Variants in ATAD3B observed in about 807,000 individuals in gnomAD.
ATAD3B encodes ATPase family AAA domain containing 3B.
ATAD3B carries 59 observed loss-of-function variants against 70.2 expected under a neutral mutation model. That is an observed-to-expected ratio of 0.84 (90% confidence interval 0.68 to 1.04). The LOEUF (loss-of-function observed/expected upper bound fraction) is 1.04, where lower values mean the gene tolerates loss of function less well. ATAD3B is among the 50% of genes least tolerant of loss of function. ATAD3B has a pLI of 0.00. For missense variants in ATAD3B, 961 were observed against 913.4 expected (o/e 1.05, Z -0.67); for synonymous variants, 423 against 388.6 (o/e 1.09, Z -1.04).
At chr1:1,483,171 CAT>C (rs917468442) in intron 7 of ATAD3B, 2 of 385,132 alleles carry the variant, frequency 5.2e-6, no homozygotes, top group Non-Finnish European at 1.0e-5. Context: ...GGTGTGGTGA[CAT>C]GTGCCTGTAA....
chr1:1,494,955 C>T (rs192038242), intron 15 of ATAD3B, among the ~76,000 whole-genome samples: 1 of 152,172 alleles, frequency 6.6e-6, no homozygotes, highest in African/African-American at 2.4e-5. Context: ...AAGGCGACAC[C>T]AAGGGCCACA....
At chr1:1,502,506 C>CCTTT (rs1379870850), downstream of ATAD3B, among the ~76,000 whole-genome samples, 33 of 113,702 alleles carry the variant, frequency 2.9e-4, 4 homozygotes, top group African/African-American at 8.5e-4. Flanking sequence ...CCGTGCCCAG[C>CCTTT]ATTTTTTTTT....
chr1:1,495,388 C>T, intron 15 of ATAD3B, 97 bp from the exon 16 acceptor site: 1 of 1,462,496 alleles, frequency 6.8e-7, no homozygotes, highest in Admixed American at 2.3e-5. Context: ...TGTCCTGGTG[C>T]CCCTGGTTTG....
chr1:1,484,042 G>C (rs1464706193), intron 7 of ATAD3B: 1 of 152,154 alleles, frequency 6.6e-6, no homozygotes, highest in Non-Finnish European at 1.5e-5. Flanking sequence ...GACCTGGGGC[G>C]CCACCACAGC....
chr1:1,504,511 G>A, the ATAD3B span, among the ~76,000 whole-genome samples: 28 of 151,902 alleles, frequency 1.8e-4, no homozygotes, highest in South Asian at 2.1e-4. Flanking sequence ...TTAGCCGGGC[G>A]TGGTGGCGGG....
At chr1:1,491,338 C>G (rs926753358) in intron 15 of ATAD3B, among the ~76,000 whole-genome samples, 3 of 151,948 alleles carry the variant, frequency 2.0e-5, no homozygotes, top group Admixed American at 1.3e-4. Context: ...TGAGACCATC[C>G]TGGCCAATAT....
intron 4 of ATAD3B, among the ~76,000 whole-genome samples, chr1:1,480,004 T>C (rs1639821673): frequency 8.3e-6 from 1 of 121,054 alleles, no homozygotes; most frequent in Non-Finnish European, 1.7e-5. Flanking sequence ...GCACACCCCC[T>C]CACACATAGG....
chr1:1,501,260 AT>A (rs528600925), downstream of ATAD3B, among the ~76,000 whole-genome samples: 77 of 131,206 alleles, frequency 5.9e-4, no homozygotes, highest in Non-Finnish European at 6.2e-4. Context: ...TAATTTTTGT[AT>A]TTTTTTTTTT....
At position 1,475,737 on chromosome 1, in the gene ATAD3B, G is replaced by A. The variant is rs539882859; in HGVS notation, c.206-1537G>A. Among the ~76,000 whole-genome samples the A allele has an allele frequency of 3.1e-3, 471 of 151,948 alleles. 3 individuals carry two copies. The highest frequency in any genetic ancestry group is 0.011 in the African/African-American group (445 of 41,442). On this transcript the variant is annotated intron_variant, in intron 1 of 15. Transcript: ENST00000673477. ...TGTGAATTCACGCGCTGGGACGCAC[G>A]TCCCTGGCACAGGGTCACACCAAAG...
chr1:1,487,271 G>A (rs1308850145), intron 11 of ATAD3B, among the ~76,000 whole-genome samples: 1 of 151,834 alleles, frequency 6.6e-6, no homozygotes, highest in Non-Finnish European at 1.5e-5. Flanking sequence ...AGGCAGATAC[G>A]AGGCCAGGAG....
intron 4 of ATAD3B, among the ~76,000 whole-genome samples, chr1:1,480,597 G>C (rs1472328386): frequency 6.8e-6 from 1 of 147,592 alleles, no homozygotes; most frequent in South Asian, 2.2e-4. Context: ...AGTGGTGTTG[G>C]GAGGTCGGCC....
chr1:1,506,576 A>C, the ATAD3B span, among the ~76,000 whole-genome samples: 1 of 151,624 alleles, frequency 6.6e-6, no homozygotes, highest in Non-Finnish European at 1.5e-5. Flanking sequence ...TCATTGTACA[A>C]GTCTTTCACC....
chr1:1,474,968 AGATTGAAACTTCTCCC>A (rs1639517994), intron 1 of ATAD3B, among the ~76,000 whole-genome samples: 1 of 149,080 alleles, frequency 6.7e-6, no homozygotes, highest in Non-Finnish European at 1.5e-5. Flanking sequence ...CTTCACTTAG[AGATTGAAACTTCTCCC>A]ACTTCCAGAA....
At chr1:1,489,483 C>G in intron 13 of ATAD3B, 1 of 1,057,508 alleles carries the variant, frequency 9.5e-7, no homozygotes, top group Admixed American at 2.7e-5. Flanking sequence ...GAGCTGGGGT[C>G]AGTCCTGTCT....
At chr1:1,498,340 G>A (rs546803066), downstream of ATAD3B, among the ~76,000 whole-genome samples, 11 of 151,990 alleles carry the variant, frequency 7.2e-5, no homozygotes, top group South Asian at 2.3e-3. Flanking sequence ...CTGGTGGCAT[G>A]TGCCTGTGGT....
rs375527319 is a variant in ATAD3B at position 1,487,824 on chromosome 1, C to T, written c.1215-39C>T. On this transcript the variant is annotated intron_variant, in intron 11 of 15. Transcript: ENST00000673477. ...GGACGCTGCTGTGGGCTGCTCCTGGCGTCACTCTCGCCTTGCTTGGCCTCT... is the reference window on the plus strand; with the variant it reads ...GGACGCTGCTGTGGGCTGCTCCTGGTGTCACTCTCGCCTTGCTTGGCCTCT... The T allele has an allele frequency of 9.0e-5, 145 of 1,609,176 alleles. No individual in the cohort carries two copies. In the African/African-American group the frequency reaches 1.5e-3, roughly 16 times the overall value.
At chr1:1,482,975 T>G in intron 7 of ATAD3B, 1 of 474,044 alleles carries the variant, frequency 2.1e-6, no homozygotes, top group Non-Finnish European at 4.2e-6. Flanking sequence ...CACTCCATTC[T>G]TGGCGAGAGA....
At chr1:1,490,173 C>T in intron 13 of ATAD3B, 84 bp from the exon 14 acceptor site, 1 of 1,547,148 alleles carries the variant, frequency 6.5e-7, no homozygotes, top group Non-Finnish European at 8.7e-7. Context: ...AAAAGTCTCC[C>T]CGAGGGGGCT....
Position 1,479,966 on chromosome 1 carries a change from CCACA to C in ATAD3B, c.444+869_444+872del, listed in dbSNP as rs201368361. Among the ~76,000 whole-genome samples, 22 of 142,232 alleles carry C rather than the reference CCACA, an allele frequency of 1.5e-4. 3 individuals carry two copies. The highest frequency in any genetic ancestry group is 1.2e-3 in the South Asian group (5 of 4,330). The allele number at this position is 142,232 out of a possible 152,430, so 93.3% of individuals were successfully genotyped here. A position where few individuals can be genotyped will look rare whatever the true frequency, so the allele number is the denominator to read the frequency against. On this transcript the variant is annotated intron_variant, in intron 4 of 15. Transcript: ENST00000673477. ...CACCTGCACACACGGGCACACCCCA[CCACA>C]CACACACACAGGCATGGACACACGC...
Sources: gnomAD v4.1 joint callset for allele counts (sites outside exome capture counted in the v4.1 genomes callset) on GRCh38, gnomAD v4.1.1 for gene constraint, MANE v1.5 for transcripts, NCBI Gene and HGNC (gene_info 2026-07-23, HGNC 2026-07-21) for gene names.